The following PLD5 variants were observed in gnomAD, a reference collection of about 807,000 sequenced individuals.
PLD5 encodes inactive phospholipase D5.
In PLD5, 36 loss-of-function variants were observed where a neutral mutation model predicts 61.1. The ratio of observed to expected loss-of-function variants is 0.59; its 90% CI spans 0.45 to 0.78. PLD5 has a LOEUF of 0.78. Ranked by LOEUF, PLD5 falls within the 30% of genes least tolerant of loss-of-function variation. The probability of loss-of-function intolerance (pLI) is 0.00; values close to 1 mark genes in which losing one functional copy is unlikely to be tolerated. For synonymous variants in PLD5, 243 were observed against 242.8 expected, an observed-to-expected ratio of 1.00 and a Z score of -0.01; for missense variants, 515 against 644.4, an observed-to-expected ratio of 0.80 and a Z score of 2.17.
intron 1 of PLD5, among the ~76,000 whole-genome samples, chr1:242,504,241 A>C (rs1229818753): frequency 6.6e-6 from 1 of 152,220 alleles, no homozygotes. Context: ...AAGGAACCCA[A>C]AATGTGTTGT....
Position 242,087,365 on chromosome 1 carries a change from C to G in PLD5, c.*2489G>C, listed in dbSNP as rs1204559801. On this transcript the variant is annotated 3_prime_UTR_variant, in exon 10 of 10. Coordinates refer to ENST00000536534, the MANE Select transcript of PLD5 (RefSeq NM_001372062.1). ...GTCATTCCGTAATGGATGACATTCT[C>G]TTCTCGTAGCACATACAGCAGATAG... is the stretch of plus-strand genomic sequence containing the variant. The G allele has an allele frequency of 6.6e-6, 1 of 152,180 alleles. No individual in the cohort carries two copies. The highest frequency in any genetic ancestry group is 2.4e-5 in the African/African-American group (1 of 41,440). 9.4% of individuals were successfully genotyped at this position (152,180 alleles called of 1,614,324 possible). A position where few individuals can be genotyped will look rare whatever the true frequency, so the allele number is the denominator to read the frequency against.
Position 242,083,758 on chromosome 1 carries a change from T to C in PLD5, c.*6096A>G, listed in dbSNP as rs2148628742. On this transcript the variant is annotated 3_prime_UTR_variant, in exon 10 of 10. Coordinates refer to ENST00000536534, the MANE Select transcript of PLD5 (RefSeq NM_001372062.1). The stretch of plus-strand genomic sequence containing the variant: ...CTCTGATTTGAATGTTATTGGATCA[T>C]ATTTTCTGAGTTGTCTTTAAAGATC... 6.6e-6 allele frequency: 1 copy of C among 152,382 alleles called. No individual in the cohort carries two copies. The highest frequency in any genetic ancestry group is 2.1e-4 in the South Asian group (1 of 4,826). 9.4% of individuals were successfully genotyped at this position (152,382 alleles called of 1,614,324 possible). A position where few individuals can be genotyped will look rare whatever the true frequency, so the allele number is the denominator to read the frequency against.
intron 5 of PLD5, among the ~76,000 whole-genome samples, chr1:242,126,417 A>C (rs1259330368): frequency 1.3e-5 from 2 of 152,254 alleles, no homozygotes; most frequent in African/African-American, 4.8e-5. Flanking sequence ...ACTATACTAT[A>C]AGGCCACAGT....
chr1:242,500,712 G>A (rs1032671699), intron 1 of PLD5, among the ~76,000 whole-genome samples: 1 of 152,136 alleles, frequency 6.6e-6, no homozygotes, highest in African/African-American at 2.4e-5. Context: ...AAGGTACAGA[G>A]CCCAGGAGCC....
intron 7 of PLD5, among the ~76,000 whole-genome samples, chr1:242,111,978 C>A (rs995232951): frequency 6.6e-6 from 1 of 151,950 alleles, no homozygotes; most frequent in Non-Finnish European, 1.5e-5. Flanking sequence ...AATTATTTAC[C>A]TCTTGACCAG....
intron 1 of PLD5, among the ~76,000 whole-genome samples, chr1:242,354,629 C>T (rs1216740773): frequency 9.9e-5 from 15 of 152,010 alleles, no homozygotes; most frequent in African/African-American, 1.2e-4. Flanking sequence ...ATTTCTTTCT[C>T]TTAACTTACT....
At chr1:242,264,753 T>C (rs952103856) in intron 4 of PLD5, among the ~76,000 whole-genome samples, 1 of 152,144 alleles carries the variant, frequency 6.6e-6, no homozygotes, top group Non-Finnish European at 1.5e-5. Context: ...TAAAAACTAT[T>C]TGGATGTGAG....
intron 1 of PLD5, among the ~76,000 whole-genome samples, chr1:242,509,488 G>C (rs1482381395): frequency 6.6e-6 from 1 of 152,200 alleles, no homozygotes; most frequent in Non-Finnish European, 1.5e-5. Flanking sequence ...TATCAGCGGG[G>C]ATATTCCATC....
rs1574576084 is a variant in PLD5, at chr1:242,234,410, A to C, written c.608-14295T>G. 1.3e-5 allele frequency among the ~76,000 whole-genome samples: 2 copies of C among 152,328 alleles called. 1 individual carries two copies. The highest frequency in any genetic ancestry group is 4.1e-4 in the South Asian group (2 of 4,824). On this transcript the variant is annotated intron_variant, in intron 4 of 9. Transcript: ENST00000536534. ...GCCAAACCCCTGCTGCAGGACAAAG[A>C]CAGTGGCATTGAACTTTTTTTTCAG...
intron 5 of PLD5, among the ~76,000 whole-genome samples, chr1:242,149,245 A>G (rs550702806): frequency 1.3e-5 from 2 of 152,056 alleles, no homozygotes; most frequent in African/African-American, 4.8e-5. Context: ...TTTGAACTCA[A>G]TGTGATAATT....
At chr1:242,430,764 G>A (rs1665672959) in intron 1 of PLD5, among the ~76,000 whole-genome samples, 1 of 152,010 alleles carries the variant, frequency 6.6e-6, no homozygotes, top group Non-Finnish European at 1.5e-5. Context: ...TCACTCACAG[G>A]CACATGTCTA....
intron 1 of PLD5, among the ~76,000 whole-genome samples, chr1:242,488,855 T>C (rs1431411135): frequency 6.6e-6 from 1 of 152,168 alleles, no homozygotes; most frequent in Non-Finnish European, 1.5e-5. Context: ...TTTGGGAACT[T>C]TCTGTACTTT....
At chr1:242,305,881 T>C (rs1268260080) in intron 2 of PLD5, among the ~76,000 whole-genome samples, 2 of 152,156 alleles carry the variant, frequency 1.3e-5, no homozygotes, top group African/African-American at 4.8e-5. Flanking sequence ...GTTGAAGAGA[T>C]GACACAGGGT....
At chr1:242,465,702 G>A (rs554876406) in intron 1 of PLD5, among the ~76,000 whole-genome samples, 1 of 152,274 alleles carries the variant, frequency 6.6e-6, no homozygotes, top group African/African-American at 2.4e-5. Flanking sequence ...GCTGAGGCGG[G>A]TGGATCATGA....
intron 5 of PLD5, among the ~76,000 whole-genome samples, chr1:242,131,835 C>CT (rs10694688): frequency 0.22 from 27,518 of 122,672 alleles, 3,835 homozygotes; most frequent in African/African-American, 0.31. Flanking sequence ...TCTTTCTTTC[C>CT]TTTTTTTTTT....
At chr1:242,395,433 A>G (rs1162990906) in intron 1 of PLD5, among the ~76,000 whole-genome samples, 1 of 152,116 alleles carries the variant, frequency 6.6e-6, no homozygotes, top group Non-Finnish European at 1.5e-5. Context: ...CTTCATCATA[A>G]TGAATAGCTA....
At chr1:242,156,282 T>A (rs901037063) in intron 5 of PLD5, among the ~76,000 whole-genome samples, 1 of 152,224 alleles carries the variant, frequency 6.6e-6, no homozygotes, top group Non-Finnish European at 1.5e-5. Context: ...TACAGCAGAC[T>A]GATAGGTCTT....
At chr1:242,393,989 G>T (rs1364226781) in intron 1 of PLD5, among the ~76,000 whole-genome samples, 1 of 143,804 alleles carries the variant, frequency 7.0e-6, no homozygotes, top group Non-Finnish European at 1.5e-5. Flanking sequence ...GAACCCGGAA[G>T]GCGGAGGTTG....
intron 5 of PLD5, among the ~76,000 whole-genome samples, chr1:242,167,438 T>G (rs546979933): frequency 4.3e-4 from 66 of 152,248 alleles, no homozygotes; most frequent in African/African-American, 1.6e-3. Flanking sequence ...TGAGACTTAT[T>G]CATTATCATG....
Sources: gnomAD v4.1 joint callset for allele counts (sites outside exome capture counted in the v4.1 genomes callset) on GRCh38, gnomAD v4.1.1 for gene constraint, MANE v1.5 for transcripts, NCBI Gene and HGNC (gene_info 2026-07-23, HGNC 2026-07-21) for gene names.